Variants in NOTCH2NLR observed in about 807,000 individuals in gnomAD.
NOTCH2NLR encodes the protein notch 2 N-terminal like R.
Under a neutral mutation model 35.6 loss-of-function variants are expected in NOTCH2NLR, and 33 were observed. That is an observed-to-expected ratio of 0.93 (90% CI 0.70 to 1.24). The LOEUF (loss-of-function observed/expected upper bound fraction) is 1.24, where lower values mean the gene tolerates loss of function less well. Ranked by LOEUF, NOTCH2NLR falls within the 50% of genes most tolerant of loss-of-function variation. The pLI is 0.00. For synonymous variants in NOTCH2NLR, 103 were observed against 141.0 expected, an observed-to-expected ratio of 0.73 and a Z score of 1.91; for missense variants, 276 against 362.2, an observed-to-expected ratio of 0.76 and a Z score of 1.93.
At position 120,764,263 on chromosome 1, in the gene NOTCH2NLR, AAT is replaced by A. The variant is rs1281394909; in HGVS notation, c.155+560_155+561del. ...CTCCGTCTCAAAAAGAAATAAAAAA[AAT>A]ATATAAAAAAATATATATTAGATTC... On this transcript the variant is annotated intron_variant, in intron 2 of 4. Transcript: ENST00000624419. Among the ~76,000 whole-genome samples the A allele has an allele frequency of 6.3e-5, 7 of 110,756 alleles. 3 individuals carry two copies. Among genetic ancestry groups the A allele is most frequent in the African/African-American group, 2.2e-4 (4 of 18,104 alleles). The allele number at this position is 110,756 out of a possible 152,430, so 72.7% of individuals were successfully genotyped here. A position where few individuals can be genotyped will look rare whatever the true frequency, so the allele number is the denominator to read the frequency against.
chr1:120,752,549 TA>T (rs1651031196), intron 1 of NOTCH2NLR, among the ~76,000 whole-genome samples: 27 of 18,338 alleles, frequency 1.5e-3, no homozygotes, highest in Admixed American at 3.5e-3. Context: ...TATATATATA[TA>T]TATATTTTTT....
chr1:120,756,007 G>A (rs1457739577), intron 1 of NOTCH2NLR, among the ~76,000 whole-genome samples: 6,068 of 104,712 alleles, frequency 0.058, 1,816 homozygotes, highest in African/African-American at 0.17. Flanking sequence ...TCTCCACTTC[G>A]TTTTTATTTA....
Position 120,789,666 on chromosome 1 carries a change from C to G in NOTCH2NLR, c.416-3495C>G, listed in dbSNP as rs1470070427. On this transcript the variant is annotated intron_variant, in intron 3 of 4. Transcript: ENST00000624419. ...AGTTGAGATTTGGGTGGGGACACTA[C>G]CAAACCATATCATTCATCAAAAGGT... 2.9e-5 allele frequency among the ~76,000 whole-genome samples: 2 copies of G among 68,096 alleles called. 1 individual carries two copies. Among genetic ancestry groups the G allele is most frequent in the African/African-American group, 2.8e-4 (2 of 7,058 alleles). 44.7% of individuals were successfully genotyped at this position (68,096 alleles called of 152,430 possible).
intron 2 of NOTCH2NLR, among the ~76,000 whole-genome samples, chr1:120,767,836 A>G (rs1466984906): frequency 0.021 from 2,339 of 111,416 alleles, 479 homozygotes; most frequent in Middle Eastern, 0.063. Flanking sequence ...AGGTTAGGTT[A>G]TGATTTGTAT....
At chr1:120,781,783 C>T (rs1651364452) in intron 2 of NOTCH2NLR, among the ~76,000 whole-genome samples, 1 of 116,698 alleles carries the variant, frequency 8.6e-6, no homozygotes. Context: ...TGGTCTCGAT[C>T]TCCTGACCTG....
At chr1:120,781,916 A>G (rs1434965662) in intron 2 of NOTCH2NLR, among the ~76,000 whole-genome samples, 1 of 111,142 alleles carries the variant, frequency 9.0e-6, no homozygotes, top group Non-Finnish European at 1.7e-5. Flanking sequence ...AATGGAGATT[A>G]TAATATAGCA....
Position 120,763,726 on chromosome 1 carries a change from A to G in NOTCH2NLR, c.155+17A>G. 3 of 1,162,666 alleles carry G rather than the reference A, an allele frequency of 2.6e-6. No individual in the cohort carries two copies. The highest frequency in any genetic ancestry group is 3.6e-6 in the Non-Finnish European group (3 of 827,608). The allele number at this position is 1,162,666 out of a possible 1,614,324, so 72.0% of individuals were successfully genotyped here. ...ATACTGCAAGTAAGTTTTTCTCTTC[A>G]TATATTTTCTTTTTGCGATAGAACA... On this transcript the variant is annotated intron_variant, in intron 2 of 4. Coordinates refer to ENST00000624419, the Ensembl canonical transcript of NOTCH2NLR.
At position 120,726,159 on chromosome 1, in the gene NOTCH2NLR, A is replaced by C; in HGVS notation, c.73+1909A>C. Among the ~76,000 whole-genome samples the C allele has an allele frequency of 2.0e-5, 2 of 98,344 alleles. 1 individual carries two copies. The highest frequency in any genetic ancestry group is 3.7e-5 in the Non-Finnish European group (2 of 53,958). 64.5% of individuals were successfully genotyped at this position (98,344 alleles called of 152,430 possible). The stretch of plus-strand genomic sequence containing the variant: ...AGGGCTTCTTTTATTATAGGATCTC[A>C]GTGCATAAAACTATGCCCTCCACCT... On this transcript the variant is annotated intron_variant, in intron 1 of 4. Coordinates refer to ENST00000624419, the Ensembl canonical transcript of NOTCH2NLR.
Position 120,777,457 on chromosome 1 carries a change from G to A in NOTCH2NLR, c.156-7517G>A, listed in dbSNP as rs1326386255. Among the ~76,000 whole-genome samples, 11 of 105,946 alleles carry A rather than the reference G, an allele frequency of 1.0e-4. 2 individuals are homozygous for A. Among genetic ancestry groups the A allele is most frequent in the East Asian group, 2.4e-4 (1 of 4,180 alleles). The allele number at this position is 105,946 out of a possible 152,430, so 69.5% of individuals were successfully genotyped here. A position where few individuals can be genotyped will look rare whatever the true frequency, so the allele number is the denominator to read the frequency against. ...TAAAAGTGTGTATGTGTGTGTGTAC[G>A]TGTGTGAGAGTGAGAGATTGTATAC... On this transcript the variant is annotated intron_variant, in intron 2 of 4. Transcript: ENST00000624419.
At position 120,768,619 on chromosome 1, in the gene NOTCH2NLR, AC is replaced by A. The variant is rs1388296251; in HGVS notation, c.155+4911del. Among the ~76,000 whole-genome samples, 9 of 110,274 alleles carry A rather than the reference AC, an allele frequency of 8.2e-5. 2 individuals carry two copies. Among genetic ancestry groups the A allele is most frequent in the Non-Finnish European group, 1.2e-4 (7 of 59,170 alleles). The allele number at this position is 110,274 out of a possible 152,430, so 72.3% of individuals were successfully genotyped here. A position where few individuals can be genotyped will look rare whatever the true frequency, so the allele number is the denominator to read the frequency against. ...TGTACCTTCACGATAAAAAAAAAAAACAAAACTGTAAATGTGGGTTTCATAT... is the reference window on the plus strand; with the variant it reads ...TGTACCTTCACGATAAAAAAAAAAAAAAAACTGTAAATGTGGGTTTCATAT... On this transcript the variant is annotated intron_variant, in intron 2 of 4. Transcript: ENST00000624419.
At chr1:120,777,843 A>G (rs1185826124) in intron 2 of NOTCH2NLR, among the ~76,000 whole-genome samples, 2 of 111,328 alleles carry the variant, frequency 1.8e-5, no homozygotes, top group Non-Finnish European at 3.4e-5. Flanking sequence ...AGAGAGAATT[A>G]AAAAGTTGAC....
intron 2 of NOTCH2NLR, among the ~76,000 whole-genome samples, chr1:120,764,755 CT>C (rs1651171447): frequency 8.9e-6 from 1 of 112,266 alleles, no homozygotes; most frequent in Non-Finnish European, 1.7e-5. Context: ...TGTATCCATT[CT>C]TTTTATTTCA....
At chr1:120,764,222 G>A (rs1175112835) in intron 2 of NOTCH2NLR, among the ~76,000 whole-genome samples, 1 of 114,854 alleles carries the variant, frequency 8.7e-6, no homozygotes, top group Non-Finnish European at 1.7e-5. Flanking sequence ...ACTCTAGCCT[G>A]GGTGACAGAG....
intron 2 of NOTCH2NLR, among the ~76,000 whole-genome samples, chr1:120,784,245 A>T (rs1232030175): frequency 8.4e-6 from 1 of 118,840 alleles, no homozygotes; most frequent in Non-Finnish European, 1.6e-5. Flanking sequence ...GTTTCACATA[A>T]AGCAAATATA....
At chr1:120,752,460 T>C (rs1448882482) in intron 1 of NOTCH2NLR, among the ~76,000 whole-genome samples, 53 of 22,872 alleles carry the variant, frequency 2.3e-3, no homozygotes, top group African/African-American at 0.013. Context: ...TGGGACATAG[T>C]TGTATGTCTG....
Position 120,764,571 on chromosome 1 carries a change from G to A in NOTCH2NLR, c.155+862G>A, listed in dbSNP as rs1318808516. ...AGAGTAAGGATGAAGGAAAATGTAG[G>A]CTAGTTCTTGGCTTAAGAGCATTTT... On this transcript the variant is annotated intron_variant, in intron 2 of 4. Coordinates refer to ENST00000624419, the Ensembl canonical transcript of NOTCH2NLR. Among the ~76,000 whole-genome samples the A allele has an allele frequency of 4.6e-5, 5 of 107,790 alleles. No homozygotes were observed. In the East Asian group the frequency reaches 1.1e-3, roughly 24 times the overall value. The allele number at this position is 107,790 out of a possible 152,430, so 70.7% of individuals were successfully genotyped here.
In NOTCH2NLR at chr1:120,724,717, G is replaced by T. The variant is rs1365117588; in HGVS notation, c.73+467G>T. Among the ~76,000 whole-genome samples the T allele has an allele frequency of 8.5e-4, 105 of 123,904 alleles. 33 individuals are homozygous for T. The highest frequency in any genetic ancestry group is 3.8e-3 in the African/African-American group (96 of 25,244). 81.3% of individuals were successfully genotyped at this position (123,904 alleles called of 152,430 possible). On this transcript the variant is annotated intron_variant, in intron 1 of 4. Coordinates refer to ENST00000624419, the Ensembl canonical transcript of NOTCH2NLR. ...GGCCTGCAGCTTCGCAGCCAGCCTC[G>T]CCTTTGCCAGGGGGCGGCACATGGG...
intron 1 of NOTCH2NLR, among the ~76,000 whole-genome samples, chr1:120,728,714 T>G (rs1366535887): frequency 8.5e-6 from 1 of 117,904 alleles, no homozygotes; most frequent in Non-Finnish European, 1.6e-5. Context: ...TAAGTTTATA[T>G]TTATTTTGAT....
Position 120,793,521 on chromosome 1 carries a change from G to T in NOTCH2NLR, c.751+25G>T, listed in dbSNP as rs1380005847. On this transcript the variant is annotated intron_variant, in intron 4 of 4. Coordinates refer to ENST00000624419, the Ensembl canonical transcript of NOTCH2NLR. ...GGTAAGGAGCTCCCTAGTGTCCCAG[G>T]ATTAGGGGACAAACCCCTAGCACAG... 16 of 1,138,060 alleles carry T rather than the reference G, an allele frequency of 1.4e-5. 2 individuals are homozygous for T. The highest frequency in any genetic ancestry group is 2.0e-5 in the Non-Finnish European group (16 of 810,212). The allele number at this position is 1,138,060 out of a possible 1,614,324, so 70.5% of individuals were successfully genotyped here. A position where few individuals can be genotyped will look rare whatever the true frequency, so the allele number is the denominator to read the frequency against.
Sources: gnomAD v4.1 joint callset for allele counts (sites outside exome capture counted in the v4.1 genomes callset) on GRCh38, gnomAD v4.1.1 for gene constraint, MANE v1.5 for transcripts, NCBI Gene and HGNC (gene_info 2026-07-23, HGNC 2026-07-21) for gene names.